DSCAM: variants seen among roughly 807,000 people sequenced by gnomAD.
DSCAM encodes DS cell adhesion molecule.
DSCAM carries 47 observed loss-of-function variants against 217.7 expected under a neutral mutation model. That is an observed-to-expected ratio of 0.22 (90% CI 0.17 to 0.28). The LOEUF is 0.28. Among genes scored for constraint, DSCAM ranks in the 10% least tolerant of loss-of-function variants. The probability of loss-of-function intolerance (pLI) is 1.00; values close to 1 mark genes in which losing one functional copy is unlikely to be tolerated. For synonymous variants in DSCAM, 1,056 were observed against 1,015.3 expected (o/e 1.04, Z -0.76); for missense variants, 2,080 against 2,618.3 (o/e 0.79, Z 4.49).
At chr21:40,165,508 G>C (rs1335241317) in intron 16 of DSCAM, among the ~76,000 whole-genome samples, 1 of 152,218 alleles carries the variant, frequency 6.6e-6, no homozygotes, top group African/African-American at 2.4e-5. Flanking sequence ...ATGAGAGCCA[G>C]GCTTCCTTTT....
Position 40,380,544 on chromosome 21 carries a change from G to T in DSCAM, c.509-11299C>A, listed in dbSNP as rs73229147. On this transcript the variant is annotated intron_variant, in intron 3 of 32. Coordinates refer to ENST00000400454, the MANE Select transcript of DSCAM (RefSeq NM_001389.5). ...CATTTACATGAATTGAGAAACAGAA[G>T]TTGACTCTAGTAAAGAGAAGAGCTG... 3.6e-3 allele frequency among the ~76,000 whole-genome samples: 541 copies of T among 152,306 alleles called. 4 individuals carry two copies. The highest frequency in any genetic ancestry group is 0.034 in the Middle Eastern group (10 of 294).
chr21:40,824,373 A>C (rs1302604965), intron 1 of DSCAM, among the ~76,000 whole-genome samples: 1 of 150,434 alleles, frequency 6.6e-6, no homozygotes, highest in Non-Finnish European at 1.5e-5. Flanking sequence ...ATCTTTCCAC[A>C]ATCTGCTCCC....
intron 3 of DSCAM, among the ~76,000 whole-genome samples, chr21:40,476,750 A>G (rs2075939859): frequency 6.6e-6 from 1 of 152,116 alleles, no homozygotes; most frequent in African/African-American, 2.4e-5. Context: ...GGGCTCAAAA[A>G]TCAGTCATTG....
intron 15 of DSCAM, among the ~76,000 whole-genome samples, chr21:40,167,788 C>G (rs2090613373): frequency 6.6e-6 from 1 of 152,150 alleles, no homozygotes; most frequent in Admixed American, 6.5e-5. Context: ...CCCTTGTGGC[C>G]GGGCACGGTG....
chr21:40,035,248 G>C lies in DSCAM; in HGVS notation c.5686+7123C>G, dbSNP rs1457909494. 8.6e-4 allele frequency among the ~76,000 whole-genome samples: 97 copies of C among 113,216 alleles called. 2 individuals are homozygous for C. Among genetic ancestry groups the C allele is most frequent in the Admixed American group, 1.2e-3 (13 of 11,106 alleles). 74.3% of individuals were successfully genotyped at this position (113,216 alleles called of 152,430 possible). A position where few individuals can be genotyped will look rare whatever the true frequency, so the allele number is the denominator to read the frequency against. The stretch of plus-strand genomic sequence containing the variant: ...TTGGATAAAGAGTCAAGACCCATCA[G>C]TGTGCTGTATTCAGGAAACCCATCT... On this transcript the variant is annotated intron_variant, in intron 32 of 32. Transcript: ENST00000400454.
At chr21:40,433,661 C>G (rs1569121297) in intron 3 of DSCAM, among the ~76,000 whole-genome samples, 1 of 152,116 alleles carries the variant, frequency 6.6e-6, no homozygotes, top group Admixed American at 6.5e-5. Flanking sequence ...CACAATGTCA[C>G]CTGAAGTGGA....
intron 11 of DSCAM, among the ~76,000 whole-genome samples, chr21:40,243,437 C>T (rs1396222846): frequency 1.3e-5 from 2 of 152,170 alleles, no homozygotes; most frequent in East Asian, 3.9e-4. Flanking sequence ...AAGAAATGAG[C>T]ACTTTTAACA....
intron 20 of DSCAM, among the ~76,000 whole-genome samples, chr21:40,101,636 G>T (rs1307469170): frequency 6.6e-6 from 1 of 152,056 alleles, no homozygotes; most frequent in Non-Finnish European, 1.5e-5. Flanking sequence ...ATGTAACAGG[G>T]GCAATCCACA....
At chr21:40,741,011 T>C (rs2091118122) in intron 1 of DSCAM, among the ~76,000 whole-genome samples, 1 of 152,178 alleles carries the variant, frequency 6.6e-6, no homozygotes, top group South Asian at 2.1e-4. Flanking sequence ...GCTGTTACAC[T>C]TACTCAGAAT....
intron 3 of DSCAM, among the ~76,000 whole-genome samples, chr21:40,369,788 T>C (rs62223801): frequency 0.028 from 4,226 of 152,318 alleles, 80 homozygotes; most frequent in African/African-American, 0.045. Flanking sequence ...AAAGGCTGTC[T>C]TATTTCCTCA....
chr21:40,700,182 A>G (rs1013073578), intron 2 of DSCAM, among the ~76,000 whole-genome samples: 11 of 152,378 alleles, frequency 7.2e-5, no homozygotes, highest in African/African-American at 2.6e-4. Flanking sequence ...GTCACAGCAC[A>G]TCTTCTTATA....
At chr21:40,710,518 A>G (rs761629765) in intron 1 of DSCAM, among the ~76,000 whole-genome samples, 5 of 152,214 alleles carry the variant, frequency 3.3e-5, no homozygotes, top group African/African-American at 9.7e-5. Flanking sequence ...TCACAAGTAA[A>G]TATCAGTGAA....
At chr21:40,802,214 CT>C (rs1446505029) in intron 1 of DSCAM, among the ~76,000 whole-genome samples, 1 of 152,232 alleles carries the variant, frequency 6.6e-6, no homozygotes, top group Non-Finnish European at 1.5e-5. Flanking sequence ...TACTCTCAAG[CT>C]TTACAATTAA....
chr21:40,808,314 C>A (rs1238597334), intron 1 of DSCAM, among the ~76,000 whole-genome samples: 1 of 151,902 alleles, frequency 6.6e-6, no homozygotes, highest in Admixed American at 6.6e-5. Context: ...CATACAGACC[C>A]AAAGTTCACA....
intron 10 of DSCAM, among the ~76,000 whole-genome samples, chr21:40,286,420 A>G (rs2073824612): frequency 6.6e-6 from 1 of 152,206 alleles, no homozygotes; most frequent in Non-Finnish European, 1.5e-5. Flanking sequence ...GCGCAGAGTG[A>G]AACATGCAAG....
intron 3 of DSCAM, among the ~76,000 whole-genome samples, chr21:40,496,491 C>T (rs988901273): frequency 6.6e-6 from 1 of 152,004 alleles, no homozygotes; most frequent in Non-Finnish European, 1.5e-5. Flanking sequence ...GAAATTAGAC[C>T]CTTATCTCAC....
intron 1 of DSCAM, among the ~76,000 whole-genome samples, chr21:40,714,902 A>C (rs2090825366): frequency 6.6e-6 from 1 of 152,240 alleles, no homozygotes; most frequent in African/African-American, 2.4e-5. Flanking sequence ...AAACTTTAAA[A>C]GGTGACTCGT....
chr21:40,666,770 T>C (rs1568972670), intron 3 of DSCAM, among the ~76,000 whole-genome samples: 1 of 152,122 alleles, frequency 6.6e-6, no homozygotes, highest in East Asian at 1.9e-4. Flanking sequence ...AACAATGACA[T>C]AAAAATGAAC....
intron 20 of DSCAM, among the ~76,000 whole-genome samples, chr21:40,121,981 G>T (rs766510880): frequency 6.6e-6 from 1 of 151,970 alleles, no homozygotes; most frequent in East Asian, 1.9e-4. Flanking sequence ...GTGAGCCACC[G>T]TGCCTTGCTG....
Sources: allele counts gnomAD v4.1 joint callset (sites outside exome capture counted in the v4.1 genomes callset), GRCh38; gene constraint gnomAD v4.1.1; transcripts MANE v1.5; gene names NCBI Gene and HGNC (gene_info 2026-07-23, HGNC 2026-07-21).